Variants in DCUN1D4 observed in about 807,000 individuals in gnomAD.
DCUN1D4 encodes the protein defective in cullin neddylation 1 domain containing 4, also known as DCN1-like protein 4.
DCUN1D4 carries 22 observed loss-of-function variants against 47.9 expected under a neutral mutation model. That is an observed-to-expected ratio of 0.46 (90% confidence interval 0.33 to 0.66). DCUN1D4 has a LOEUF of 0.66. DCUN1D4 is among the 30% of genes least tolerant of loss of function. The pLI, the probability that DCUN1D4 is intolerant of heterozygous loss-of-function variation, is 0.02. For missense variants in DCUN1D4, 301 were observed against 340.8 expected (o/e 0.88, Z 0.92); for synonymous variants, 121 against 112.2 (o/e 1.08, Z -0.50).
intron 1 of DCUN1D4, among the ~76,000 whole-genome samples, chr4:51,848,789 A>G (rs1722935539): frequency 6.6e-6 from 1 of 152,198 alleles, no homozygotes; most frequent in African/African-American, 2.4e-5. Flanking sequence ...AATTGCTTTT[A>G]ATCAGAAAAT....
chr4:51,882,503 C>T (rs145822746), intron 5 of DCUN1D4, among the ~76,000 whole-genome samples: 1 of 152,302 alleles, frequency 6.6e-6, no homozygotes, highest in Non-Finnish European at 1.5e-5. Flanking sequence ...CACAGTGGCT[C>T]ATGCCTATAA....
chr4:51,897,456 G>A (rs906506674), intron 7 of DCUN1D4, among the ~76,000 whole-genome samples: 1 of 152,102 alleles, frequency 6.6e-6, no homozygotes, highest in Non-Finnish European at 1.5e-5. Context: ...GTACTTAGTA[G>A]GTTAAAGATC....
intron 3 of DCUN1D4, chr4:51,865,013 A>T (rs1411502429): frequency 5.1e-6 from 1 of 194,820 alleles, no homozygotes; most frequent in South Asian, 1.2e-4. Context: ...TTTAAGAAAA[A>T]GGTATGATTT....
chr4:51,849,810 G>A (rs1018685527), intron 1 of DCUN1D4, among the ~76,000 whole-genome samples: 1 of 150,972 alleles, frequency 6.6e-6, no homozygotes, highest in Non-Finnish European at 1.5e-5. Context: ...TGGCTCTGAT[G>A]TGGGAATATT....
rs67542268 is a variant in DCUN1D4, at chr4:51,895,559, TAAAA to T, written c.507-3685_507-3682del. 7.5e-3 allele frequency among the ~76,000 whole-genome samples: 660 copies of T among 88,472 alleles called. 9 individuals are homozygous for T. Among genetic ancestry groups the T allele is most frequent in the African/African-American group, 0.022 (596 of 27,642 alleles). The allele number at this position is 88,472 out of a possible 152,430, so 58.0% of individuals were successfully genotyped here. A position where few individuals can be genotyped will look rare whatever the true frequency, so the allele number is the denominator to read the frequency against. Reference sequence around the variant, plus strand: ...TTAAGCTAATTGTGGTGCTTAAACTTAAAAAAAAAAAAAAAAAAAAAAAAAAAAA... The same window carrying T: ...TTAAGCTAATTGTGGTGCTTAAACTTAAAAAAAAAAAAAAAAAAAAAAAAA... On this transcript the variant is annotated intron_variant, in intron 7 of 10. Coordinates refer to ENST00000334635, the MANE Select transcript of DCUN1D4 (RefSeq NM_001040402.3).
chr4:51,868,309 T>C (rs1726299725), intron 3 of DCUN1D4, among the ~76,000 whole-genome samples: 1 of 152,178 alleles, frequency 6.6e-6, no homozygotes, highest in Admixed American at 6.5e-5. Context: ...TGTTCCAAGC[T>C]CCGTGGAGTG....
the DCUN1D4 span, among the ~76,000 whole-genome samples, chr4:51,834,103 CTTTTTTTTTTCT>C: frequency 9.9e-4 from 42 of 42,582 alleles, 12 homozygotes; most frequent in East Asian, 0.043. Context: ...TTTCTTCTTT[CTTTTTTTTTTCT>C]TTTTTTTTTT....
upstream of DCUN1D4, among the ~76,000 whole-genome samples, chr4:51,839,942 C>G (rs576372531): frequency 3.3e-5 from 5 of 152,198 alleles, no homozygotes; most frequent in East Asian, 5.8e-4. Flanking sequence ...ATATCACATT[C>G]TAATCTAGGC....
At chr4:51,906,341 A>G (rs567570702) in intron 8 of DCUN1D4, among the ~76,000 whole-genome samples, 1 of 152,154 alleles carries the variant, frequency 6.6e-6, no homozygotes, top group African/African-American at 2.4e-5. Context: ...ATGATTAGGG[A>G]TGTTACTCAT....
At chr4:51,871,360 C>T (rs192765553) in intron 3 of DCUN1D4, among the ~76,000 whole-genome samples, 21 of 152,242 alleles carry the variant, frequency 1.4e-4, no homozygotes, top group African/African-American at 4.8e-4. Context: ...CAAAAACATG[C>T]TAATCTTGAC....
At chr4:51,852,526 G>A (rs1454169669) in intron 1 of DCUN1D4, among the ~76,000 whole-genome samples, 2 of 152,170 alleles carry the variant, frequency 1.3e-5, no homozygotes, top group African/African-American at 2.4e-5. Context: ...AAACGGGATA[G>A]TTGTACATTT....
At chr4:51,891,132 C>G (rs1472709164) in intron 6 of DCUN1D4, among the ~76,000 whole-genome samples, 1 of 152,260 alleles carries the variant, frequency 6.6e-6, no homozygotes, top group African/African-American at 2.4e-5. Flanking sequence ...GCTACAACTT[C>G]ACTGCGTGTC....
intron 1 of DCUN1D4, among the ~76,000 whole-genome samples, chr4:51,852,332 A>G (rs1263383439): frequency 2.6e-5 from 4 of 152,260 alleles, no homozygotes; most frequent in Admixed American, 2.6e-4. Flanking sequence ...ATTTTTAAAT[A>G]TAGGAGATCT....
chr4:51,882,241 G>T (rs2110018967), intron 5 of DCUN1D4, among the ~76,000 whole-genome samples: 1 of 152,314 alleles, frequency 6.6e-6, no homozygotes, highest in Non-Finnish European at 1.5e-5. Flanking sequence ...GGATACCTCA[G>T]TAGACCTTCG....
intron 1 of DCUN1D4, chr4:51,845,343 A>C: frequency 2.2e-6 from 2 of 917,442 alleles, no homozygotes; most frequent in Non-Finnish European, 2.6e-6. Context: ...GAGGTGGGTT[A>C]GTGGAATTTA....
At chr4:51,884,033 T>G (rs1577969816) in intron 5 of DCUN1D4, among the ~76,000 whole-genome samples, 1 of 150,354 alleles carries the variant, frequency 6.7e-6, no homozygotes, top group East Asian at 1.9e-4. Context: ...GTTTATACAT[T>G]TATATAAAAA....
At chr4:51,894,204 A>G (rs1730881280) in intron 7 of DCUN1D4, among the ~76,000 whole-genome samples, 1 of 151,760 alleles carries the variant, frequency 6.6e-6, no homozygotes, top group Admixed American at 6.6e-5. Context: ...GTGGTATGAA[A>G]CTCTGAAGTT....
At chr4:51,888,145 G>A (rs1729811158) in intron 6 of DCUN1D4, among the ~76,000 whole-genome samples, 1 of 152,064 alleles carries the variant, frequency 6.6e-6, no homozygotes, top group Non-Finnish European at 1.5e-5. Context: ...CTTGAGAGGG[G>A]CTCCGGAGGT....
rs570797537 is a variant in DCUN1D4 at position 51,856,211 on chromosome 4, T to C, written c.26-7226T>C. On this transcript the variant is annotated intron_variant, in intron 1 of 10. Transcript: ENST00000334635. The stretch of plus-strand genomic sequence containing the variant: ...CCTTTCCTTCTGCCGCCTTTACAGG[T>C]TTATTTCATCATTTTCATCGTCACT... 3.2e-4 allele frequency among the ~76,000 whole-genome samples: 48 copies of C among 152,340 alleles called. No individual in the cohort carries two copies. In the South Asian group the frequency reaches 9.7e-3, roughly 31 times the overall value.
Sources: allele counts gnomAD v4.1 joint callset (sites outside exome capture counted in the v4.1 genomes callset), GRCh38; gene constraint gnomAD v4.1.1; transcripts MANE v1.5; gene names NCBI Gene and HGNC (gene_info 2026-07-23, HGNC 2026-07-21).